Variants in GDAP2 observed in about 807,000 individuals in gnomAD.
GDAP2 encodes ganglioside induced differentiation associated protein 2, also known as ganglioside-induced differentiation-associated protein 2.
In GDAP2, 51 loss-of-function variants were observed where a neutral mutation model predicts 67.0. The observed-to-expected ratio is 0.76, with a 90% CI of 0.61 to 0.96. The LOEUF is 0.96. Ranked by LOEUF, GDAP2 falls within the 40% of genes least tolerant of loss-of-function variation. The pLI is 0.00. For missense variants in GDAP2, 547 were observed against 588.3 expected (o/e 0.93, Z 0.73); for synonymous variants, 203 against 207.3 (o/e 0.98, Z 0.18).
intron 6 of GDAP2, among the ~76,000 whole-genome samples, chr1:117,901,515 C>A (rs980874404): frequency 6.6e-6 from 1 of 152,216 alleles, no homozygotes; most frequent in African/African-American, 2.4e-5. Flanking sequence ...TTCTCCACAT[C>A]CTCACCAACA....
chr1:117,896,927 A>C lies in GDAP2; in HGVS notation c.859T>G (p.Phe287Val). ...TCAATATCTCCTTCCATTCGAGCAA[A>C]AGCATGAGAGCCAATGAAAGAGAGA... ...VDLSFIGSHA[F>V]ARMEGDIDKQ... Residue 287 changes from phenylalanine (F) to valine (V), a missense_variant, in exon 8 of 14, where the codon TTT becomes GTT. Transcript: ENST00000369443. The C allele has an allele frequency of 1.2e-6, 2 of 1,612,306 alleles. No individual in the cohort carries two copies. Among genetic ancestry groups the C allele is most frequent in the Non-Finnish European group, 1.7e-6 (2 of 1,178,584 alleles).
chr1:117,904,065 C>T (rs1004713088), intron 6 of GDAP2, among the ~76,000 whole-genome samples: 1 of 151,756 alleles, frequency 6.6e-6, no homozygotes, highest in African/African-American at 2.4e-5. Context: ...CAGCTCACTG[C>T]AACTTCTGCT....
chr1:117,917,220 C>CT (rs1212970607), intron 3 of GDAP2, among the ~76,000 whole-genome samples: 2 of 152,034 alleles, frequency 1.3e-5, no homozygotes, highest in Non-Finnish European at 2.9e-5. Flanking sequence ...AATCTTTAGT[C>CT]TATCATCCAG....
At chr1:117,899,914 C>G (rs6681380) in intron 6 of GDAP2, among the ~76,000 whole-genome samples, 74,771 of 151,884 alleles carry the variant, frequency 0.49, 18,603 homozygotes, top group South Asian at 0.63. Context: ...AAAATAGTAA[C>G]AAAAAAATTA....
At chr1:117,891,990 A>T (rs1333206657) in intron 8 of GDAP2, among the ~76,000 whole-genome samples, 1 of 152,136 alleles carries the variant, frequency 6.6e-6, no homozygotes, top group Non-Finnish European at 1.5e-5. Flanking sequence ...TTGGTTGACA[A>T]AATCTCTATG....
chr1:117,913,191 C>G (rs993881936), intron 3 of GDAP2, among the ~76,000 whole-genome samples: 2 of 152,064 alleles, frequency 1.3e-5, no homozygotes, highest in Non-Finnish European at 2.9e-5. Flanking sequence ...AAACGAGTTA[C>G]TATATGCAAA....
At chr1:117,928,080 T>C (rs553478391) in intron 1 of GDAP2, among the ~76,000 whole-genome samples, 23 of 152,292 alleles carry the variant, frequency 1.5e-4, no homozygotes, top group Non-Finnish European at 2.8e-4. Context: ...ATTAAGATAG[T>C]TTTTTAAGAA....
In GDAP2 at chr1:117,882,427, C is replaced by T. The variant is rs1885000; in HGVS notation, c.1248-550G>A. On this transcript the variant is annotated intron_variant, in intron 11 of 13. Coordinates refer to ENST00000369443, the MANE Select transcript of GDAP2 (RefSeq NM_017686.4). ...CTATTTTTGCCCTCCCAAAGTCACC[C>T]AGTCATCAAGTGGCAGAGCCAGGAA... 7.2e-3 allele frequency among the ~76,000 whole-genome samples: 1,093 copies of T among 152,208 alleles called. 10 individuals carry two copies. Among genetic ancestry groups the T allele is most frequent in the Non-Finnish European group, 0.01 (711 of 68,006 alleles).
chr1:117,878,430 G>A (rs1282392995), intron 12 of GDAP2, among the ~76,000 whole-genome samples: 2 of 152,100 alleles, frequency 1.3e-5, no homozygotes, highest in African/African-American at 4.8e-5. Context: ...GTTCCCATGC[G>A]TGTAGTGTGT....
chr1:117,890,175 G>A (rs1649019610), intron 8 of GDAP2, among the ~76,000 whole-genome samples: 1 of 152,068 alleles, frequency 6.6e-6, no homozygotes. Context: ...GAAGGGGACT[G>A]GTGGTGGGGA....
chr1:117,906,497 G>C lies in GDAP2; in HGVS notation c.636+9C>G. On this transcript the variant is annotated intron_variant, in intron 6 of 13. Transcript: ENST00000369443. ...TAAGATTTAAATAACGTAACAGTTA[G>C]CAAAATACCTCTTCAAGATCAGAGA... 6.9e-7 allele frequency: 1 copy of C among 1,443,096 alleles called. No homozygotes were observed. The highest frequency in any genetic ancestry group is 9.7e-7 in the Non-Finnish European group (1 of 1,035,960). The allele number at this position is 1,443,096 out of a possible 1,614,324, so 89.4% of individuals were successfully genotyped here.
intron 7 of GDAP2, 29 bp from the exon 8 acceptor site, chr1:117,897,018 G>A (rs1649288440): frequency 6.6e-7 from 1 of 1,518,488 alleles, no homozygotes; most frequent in African/African-American, 1.4e-5. Context: ...TATCAATAGA[G>A]AGCTTATGCT....
chr1:117,921,601 G>A (rs982873476), intron 1 of GDAP2, among the ~76,000 whole-genome samples: 10 of 152,178 alleles, frequency 6.6e-5, no homozygotes, highest in African/African-American at 2.4e-4. Context: ...AATAAGCTAG[G>A]TAATGAGTGG....
At chr1:117,902,609 C>T (rs1411647242) in intron 6 of GDAP2, among the ~76,000 whole-genome samples, 4 of 152,194 alleles carry the variant, frequency 2.6e-5, no homozygotes, top group African/African-American at 9.6e-5. Context: ...AAATTCCATT[C>T]CACTGACCTA....
intron 3 of GDAP2, among the ~76,000 whole-genome samples, chr1:117,917,594 C>CAG (rs1553200967): frequency 6.6e-6 from 1 of 152,176 alleles, no homozygotes; most frequent in African/African-American, 2.4e-5. Flanking sequence ...AGCTCAGACT[C>CAG]AGAGGTGAAG....
At chr1:117,910,382 A>G (rs2101152943) in intron 5 of GDAP2, among the ~76,000 whole-genome samples, 1 of 152,288 alleles carries the variant, frequency 6.6e-6, no homozygotes, top group Non-Finnish European at 1.5e-5. Context: ...AGCATTCAAG[A>G]TAAAAAGATA....
intron 3 of GDAP2, 110 bp from the exon 4 acceptor site, chr1:117,912,793 T>C: frequency 1.1e-6 from 1 of 905,422 alleles, no homozygotes; most frequent in South Asian, 1.6e-5. Flanking sequence ...AAATTTCAGT[T>C]AAAAATACAG....
At chr1:117,892,338 G>A (rs1248864906) in intron 8 of GDAP2, among the ~76,000 whole-genome samples, 1 of 151,940 alleles carries the variant, frequency 6.6e-6, no homozygotes, top group Non-Finnish European at 1.5e-5. Context: ...AATATTTCAT[G>A]TTTTCTATTA....
rs77288647 is a variant in GDAP2 at position 117,871,046 on chromosome 1, C to G, written c.1447-430G>C. 4.2e-3 allele frequency among the ~76,000 whole-genome samples: 645 copies of G among 152,260 alleles called. 5 individuals carry two copies. Among genetic ancestry groups the G allele is most frequent in the African/African-American group, 0.015 (618 of 41,564 alleles). On this transcript the variant is annotated intron_variant, in intron 13 of 13. Transcript: ENST00000369443. ...ATTCAAATCTATTTAAATCTAACAT[C>G]CAGATTCTTTTTTGTTAGATTGTGT...
Sources: gnomAD v4.1 joint callset for allele counts (sites outside exome capture counted in the v4.1 genomes callset) on GRCh38, gnomAD v4.1.1 for gene constraint, MANE v1.5 for transcripts, NCBI Gene and HGNC (gene_info 2026-07-23, HGNC 2026-07-21) for gene names.